Variants in DPP6 observed in about 807,000 individuals in gnomAD.
The protein encoded by DPP6 is dipeptidyl peptidase like 6, also known as A-type potassium channel modulatory protein DPP6.
A neutral mutation model predicts 122.6 loss-of-function variants in DPP6; 69 were observed. The ratio of observed to expected loss-of-function variants is 0.56; its 90% CI spans 0.46 to 0.69. The LOEUF is 0.69. Among genes scored for constraint, DPP6 ranks in the 30% least tolerant of loss-of-function variants. DPP6 has a pLI of 0.00. For synonymous variants in DPP6, 418 were observed against 433.1 expected (o/e 0.97, Z 0.43); for missense variants, 928 against 1,116.9 (o/e 0.83, Z 2.41).
At chr7:154,847,033 C>A (rs1801996499) in intron 16 of DPP6, among the ~76,000 whole-genome samples, 1 of 152,132 alleles carries the variant, frequency 6.6e-6, no homozygotes, top group African/African-American at 2.4e-5. Context: ...TACATAGTTG[C>A]TGTTAGGAAC....
At chr7:154,236,029 T>C (rs1156651418) in intron 1 of DPP6, among the ~76,000 whole-genome samples, 1 of 152,086 alleles carries the variant, frequency 6.6e-6, no homozygotes, top group African/African-American at 2.4e-5. Context: ...ATTTTTGTAT[T>C]TGTAATAAAG....
At chr7:154,611,199 T>C (rs1336120797) in intron 5 of DPP6, among the ~76,000 whole-genome samples, 2 of 152,216 alleles carry the variant, frequency 1.3e-5, no homozygotes, top group Admixed American at 1.3e-4. Context: ...TGAACAGTTC[T>C]ACCCTCCACC....
chr7:154,449,262 C>G (rs948079497), intron 2 of DPP6, among the ~76,000 whole-genome samples: 1 of 151,628 alleles, frequency 6.6e-6, no homozygotes, highest in Non-Finnish European at 1.5e-5. Context: ...TAAAAATAGG[C>G]AAAGGATTTA....
chr7:154,533,400 T>C (rs1827996948), intron 3 of DPP6, among the ~76,000 whole-genome samples: 1 of 152,326 alleles, frequency 6.6e-6, no homozygotes, highest in South Asian at 2.1e-4. Flanking sequence ...AATAGGAAAC[T>C]GAAGCAGCTC....
intron 16 of DPP6, among the ~76,000 whole-genome samples, chr7:154,816,085 T>C (rs1025142693): frequency 2.0e-5 from 3 of 152,166 alleles, no homozygotes; most frequent in Non-Finnish European, 4.4e-5. Flanking sequence ...GGTTCAAACC[T>C]GGACTCTGCC....
At chr7:153,923,323 G>C (rs992310125) in intron 1 of DPP6, among the ~76,000 whole-genome samples, 1 of 152,128 alleles carries the variant, frequency 6.6e-6, no homozygotes, top group Admixed American at 6.6e-5. Flanking sequence ...GGTTTATTAT[G>C]GTATGTGTAT....
chr7:154,891,491 G>A (rs1166273931), intron 25 of DPP6, among the ~76,000 whole-genome samples: 17 of 152,176 alleles, frequency 1.1e-4, no homozygotes, highest in Non-Finnish European at 2.5e-4. Flanking sequence ...CCTGGAATCC[G>A]AGGCTCAGGC....
chr7:153,938,126 TCTC>T (rs1265395344), intron 1 of DPP6, among the ~76,000 whole-genome samples: 2 of 152,236 alleles, frequency 1.3e-5, no homozygotes, highest in South Asian at 2.1e-4. Context: ...CAAAATCTGA[TCTC>T]CTCCCTGGTT....
chr7:154,014,070 T>A (rs761518441), intron 1 of DPP6, among the ~76,000 whole-genome samples: 1 of 152,076 alleles, frequency 6.6e-6, no homozygotes, highest in African/African-American at 2.4e-5. Flanking sequence ...CACTACCTAA[T>A]ACCTAATTCC....
chr7:153,934,457 G>A (rs1272896438), intron 1 of DPP6, among the ~76,000 whole-genome samples: 2 of 152,298 alleles, frequency 1.3e-5, no homozygotes, highest in Middle Eastern at 3.4e-3. Flanking sequence ...GCCAGCATTT[G>A]AGGTTCTCTT....
At chr7:154,637,747 A>C in intron 5 of DPP6, 74 bp from the exon 6 acceptor site, 1 of 1,465,340 alleles carries the variant, frequency 6.8e-7, no homozygotes, top group Admixed American at 2.2e-5. Context: ...GTTAGGATTC[A>C]CAGTGATTTG....
chr7:154,846,160 AT>A (rs1397976922), intron 16 of DPP6, among the ~76,000 whole-genome samples: 1 of 151,104 alleles, frequency 6.6e-6, no homozygotes, highest in Non-Finnish European at 1.5e-5. Context: ...TTTTTAATTT[AT>A]TTTTTATTGA....
At chr7:153,989,116 G>A (rs995115841) in intron 1 of DPP6, among the ~76,000 whole-genome samples, 18 of 150,118 alleles carry the variant, frequency 1.2e-4, no homozygotes, top group African/African-American at 3.9e-4. Flanking sequence ...GCTTGTGGGC[G>A]GAGGAGGGCG....
At chr7:154,187,483 A>T (rs1333937940) in intron 1 of DPP6, among the ~76,000 whole-genome samples, 1 of 152,200 alleles carries the variant, frequency 6.6e-6, no homozygotes, top group Non-Finnish European at 1.5e-5. Flanking sequence ...AATTCCACAA[A>T]TGTTAGCCCA....
intron 1 of DPP6, among the ~76,000 whole-genome samples, chr7:154,363,556 G>T (rs1344764929): frequency 3.3e-5 from 5 of 152,228 alleles, no homozygotes; most frequent in Admixed American, 3.3e-4. Flanking sequence ...GAGGCTAGGG[G>T]AGCTGTCTGT....
At chr7:153,899,441 A>G (rs1799549875) in intron 1 of DPP6, among the ~76,000 whole-genome samples, 2 of 152,154 alleles carry the variant, frequency 1.3e-5, no homozygotes, top group African/African-American at 2.4e-5. Flanking sequence ...AATGCAATGG[A>G]TCGTCTCGCT....
rs900495958 is a variant in DPP6, at chr7:153,904,046, TTTG to T, written c.51+16326_51+16328del. Among the ~76,000 whole-genome samples, 11 of 151,992 alleles carry T rather than the reference TTTG, an allele frequency of 7.2e-5. No individual in the cohort carries two copies. In the East Asian group the frequency reaches 7.7e-4, roughly 11 times the overall value. On this transcript the variant is annotated intron_variant, in intron 1 of 25. Transcript: ENST00000404039. ...CTAACTAGCGATCTAAGATGAGGTT[TTTG>T]TTGTTGTTGTTGTCATTTTTGAGAT...
At chr7:154,754,952 A>T (rs1843587128) in intron 8 of DPP6, among the ~76,000 whole-genome samples, 1 of 152,082 alleles carries the variant, frequency 6.6e-6, no homozygotes, top group Non-Finnish European at 1.5e-5. Context: ...CAGGGAGGGG[A>T]ACATCATACA....
At chr7:154,081,834 C>T (rs1355411489) in intron 1 of DPP6, among the ~76,000 whole-genome samples, 2 of 151,912 alleles carry the variant, frequency 1.3e-5, no homozygotes, top group Admixed American at 6.6e-5. Context: ...CAGCTCTTGA[C>T]GTTAGCAAAT....
Sources: allele counts gnomAD v4.1 joint callset (sites outside exome capture counted in the v4.1 genomes callset), GRCh38; gene constraint gnomAD v4.1.1; transcripts MANE v1.5; gene names NCBI Gene and HGNC (gene_info 2026-07-23, HGNC 2026-07-21).